The following PLEKHA5 variants were observed in gnomAD, a reference collection of about 807,000 sequenced individuals.
The protein encoded by PLEKHA5 is pleckstrin homology domain-containing family A member 5.
Under a neutral mutation model 181.9 loss-of-function variants are expected in PLEKHA5, and 55 were observed. The ratio of observed to expected loss-of-function variants is 0.30; its 90% confidence interval spans 0.24 to 0.38. The LOEUF (loss-of-function observed/expected upper bound fraction) is 0.38. Among genes scored for constraint, PLEKHA5 ranks in the 10% least tolerant of loss-of-function variants. The probability of loss-of-function intolerance (pLI) is 1.00; values close to 1 mark genes in which losing one functional copy is unlikely to be tolerated. For synonymous variants in PLEKHA5, 535 were observed against 529.4 expected (o/e 1.01, Z -0.15); for missense variants, 1,432 against 1,549.5 (o/e 0.92, Z 1.27).
chr12:19,364,723 G>A (rs1020389907), intron 29 of PLEKHA5, among the ~76,000 whole-genome samples: 3 of 151,416 alleles, frequency 2.0e-5, no homozygotes, highest in African/African-American at 4.8e-5. Context: ...GTGCAGTGGC[G>A]CAATCTTGGC....
chr12:19,324,092 C>T (rs148625566), intron 20 of PLEKHA5, among the ~76,000 whole-genome samples: 1 of 152,090 alleles, frequency 6.6e-6, no homozygotes, highest in Admixed American at 6.6e-5. Flanking sequence ...TTGTCTGTAC[C>T]TTCAATGGGC....
At chr12:19,214,125 A>C (rs2057488502) in intron 3 of PLEKHA5, among the ~76,000 whole-genome samples, 1 of 152,206 alleles carries the variant, frequency 6.6e-6, no homozygotes, top group Non-Finnish European at 1.5e-5. Flanking sequence ...AGGTAGAACC[A>C]TAAAAGAAAC....
chr12:19,228,821 A>T (rs2060041809), intron 3 of PLEKHA5, among the ~76,000 whole-genome samples: 1 of 152,152 alleles, frequency 6.6e-6, no homozygotes, highest in South Asian at 2.1e-4. Flanking sequence ...TGCTTATTTT[A>T]TGGAAAAAGC....
intron 8 of PLEKHA5, 82 bp downstream of exon 8, chr12:19,265,932 A>G (rs1283731885): frequency 1.4e-6 from 1 of 690,902 alleles, no homozygotes; most frequent in Admixed American, 2.6e-5. Flanking sequence ...ATTATTACAA[A>G]AAAGCTACCT....
chr12:19,343,551 A>G, intron 22 of PLEKHA5, 117 bp downstream of exon 22: 1 of 685,378 alleles, frequency 1.5e-6, no homozygotes, highest in Middle Eastern at 2.6e-4. Context: ...GTACAATCAG[A>G]GTGTACTTAA....
intron 21 of PLEKHA5, among the ~76,000 whole-genome samples, chr12:19,338,959 A>G (rs895087109): frequency 6.6e-6 from 1 of 152,076 alleles, no homozygotes; most frequent in Non-Finnish European, 1.5e-5. Context: ...TAAATACCTA[A>G]GATATTACTA....
intron 3 of PLEKHA5, among the ~76,000 whole-genome samples, chr12:19,146,708 T>C (rs1591806464): frequency 6.6e-6 from 1 of 152,270 alleles, no homozygotes; most frequent in South Asian, 2.1e-4. Context: ...GTTCAGAACA[T>C]AATATACCTT....
intron 15 of PLEKHA5, among the ~76,000 whole-genome samples, chr12:19,299,437 T>G (rs2080846639): frequency 6.6e-6 from 1 of 152,226 alleles, no homozygotes; most frequent in Admixed American, 6.5e-5. Flanking sequence ...CTCCTGAATC[T>G]TTAGTCAGCA....
At chr12:19,262,670 T>C (rs373326227) in intron 7 of PLEKHA5, among the ~76,000 whole-genome samples, 1 of 152,312 alleles carries the variant, frequency 6.6e-6, no homozygotes, top group East Asian at 1.9e-4. Context: ...ATTTCAAAAA[T>C]GTAAAAGTGA....
Position 19,327,237 on chromosome 12 carries a change from A to T in PLEKHA5, c.2448+4570A>T, listed in dbSNP as rs564571956. 7.1e-5 allele frequency among the ~76,000 whole-genome samples: 9 copies of T among 126,806 alleles called. No individual in the cohort carries two copies. In the East Asian group the frequency reaches 1.9e-3, roughly 27 times the overall value. 83.2% of individuals were successfully genotyped at this position (126,806 alleles called of 152,430 possible). On this transcript the variant is annotated intron_variant, in intron 20 of 31. Coordinates refer to ENST00000429027, the MANE Select transcript of PLEKHA5 (RefSeq NM_001256470.2). ...TCCTTTTCTCTGCAGTCTTGCCAGC[A>T]TCTGTTTTTGTTTTTTTTTTTTTTT...
At chr12:19,305,629 C>T (rs1317215054) in intron 15 of PLEKHA5, among the ~76,000 whole-genome samples, 2 of 150,754 alleles carry the variant, frequency 1.3e-5, no homozygotes, top group Non-Finnish European at 2.9e-5. Context: ...GAGGCCAAGG[C>T]GGACGAATCA....
chr12:19,290,920 C>A, intron 14 of PLEKHA5, 124 bp downstream of exon 14: 1 of 782,014 alleles, frequency 1.3e-6, no homozygotes, highest in Non-Finnish European at 1.9e-6. Flanking sequence ...ATAGTGACAA[C>A]ATTAGAATCT....
At chr12:19,190,290 G>A (rs376979726) in intron 3 of PLEKHA5, among the ~76,000 whole-genome samples, 32 of 152,330 alleles carry the variant, frequency 2.1e-4, no homozygotes, top group African/African-American at 7.7e-4. Context: ...TTCTCTTGAA[G>A]CATTGCAAAC....
chr12:19,156,028 CT>C (rs1420914652), intron 3 of PLEKHA5, among the ~76,000 whole-genome samples: 1 of 152,020 alleles, frequency 6.6e-6, no homozygotes, highest in Non-Finnish European at 1.5e-5. Context: ...TTTTTGTTTG[CT>C]TTTTGAGAGA....
chr12:19,339,298 C>T (rs2093686242), intron 21 of PLEKHA5, among the ~76,000 whole-genome samples: 2 of 152,088 alleles, frequency 1.3e-5, no homozygotes, highest in Non-Finnish European at 2.9e-5. Context: ...GCCTTGGCCT[C>T]CCAGAGTGCT....
chr12:19,340,955 AAAAAAAAG>A (rs1371852925), intron 21 of PLEKHA5, among the ~76,000 whole-genome samples: 3 of 112,886 alleles, frequency 2.7e-5, no homozygotes, highest in Admixed American at 9.1e-5. Flanking sequence ...TAAAAAAAAA[AAAAAAAAG>A]AAAGAAAAGA....
chr12:19,342,892 A>G (rs748424856), intron 21 of PLEKHA5, among the ~76,000 whole-genome samples: 99 of 152,288 alleles, frequency 6.5e-4, no homozygotes, highest in Non-Finnish European at 1.2e-3. Context: ...CTAGGAAGTT[A>G]GTACACCTTC....
At chr12:19,132,564 A>G (rs2034247317) in intron 3 of PLEKHA5, 114 bp downstream of exon 3, 2 of 652,182 alleles carry the variant, frequency 3.1e-6, no homozygotes, top group Admixed American at 3.2e-5. Context: ...TTATCATATA[A>G]TGGTGACTGT....
intron 3 of PLEKHA5, among the ~76,000 whole-genome samples, chr12:19,165,927 C>T (rs2044262064): frequency 6.6e-6 from 1 of 152,182 alleles, no homozygotes; most frequent in Admixed American, 6.5e-5. Flanking sequence ...AAAGGACATT[C>T]AGCAAGTCCT....
Sources: allele counts gnomAD v4.1 joint callset (sites outside exome capture counted in the v4.1 genomes callset), GRCh38; gene constraint gnomAD v4.1.1; transcripts MANE v1.5; gene names NCBI Gene and HGNC (gene_info 2026-07-23, HGNC 2026-07-21).